WDFY2: variants seen among roughly 807,000 people sequenced by gnomAD.
The protein encoded by WDFY2 is WD repeat and FYVE domain containing 2, also known as WD repeat and FYVE domain-containing protein 2.
In WDFY2, 36 loss-of-function variants were observed where a neutral mutation model predicts 56.4. The ratio of observed to expected loss-of-function variants is 0.64; its 90% CI spans 0.49 to 0.84. The LOEUF (loss-of-function observed/expected upper bound fraction) is 0.84. WDFY2 is among the 40% of genes least tolerant of loss of function. WDFY2 has a pLI of 0.00. For synonymous variants in WDFY2, 176 were observed against 183.7 expected (o/e 0.96, Z 0.34); for missense variants, 444 against 512.2 (o/e 0.87, Z 1.29).
chr13:51,590,564 G>A (rs1954023487), intron 1 of WDFY2: 1 of 152,180 alleles, frequency 6.6e-6, no homozygotes, highest in African/African-American at 2.4e-5. Context: ...ACTGCAGGTG[G>A]TGATTTGTTG....
chr13:51,617,435 G>A (rs537076830), intron 1 of WDFY2, among the ~76,000 whole-genome samples: 1 of 152,180 alleles, frequency 6.6e-6, no homozygotes, highest in Admixed American at 6.5e-5. Flanking sequence ...TGCCTCCTGG[G>A]TTCAAGCGAG....
intron 6 of WDFY2, among the ~76,000 whole-genome samples, chr13:51,732,634 ATAAC>A (rs1233238822): frequency 2.0e-5 from 3 of 152,248 alleles, no homozygotes; most frequent in African/African-American, 7.2e-5. Context: ...TATAACAAGA[ATAAC>A]TAAACAAACT....
intron 2 of WDFY2, among the ~76,000 whole-genome samples, chr13:51,670,887 C>T (rs142343801): frequency 6.6e-6 from 1 of 152,060 alleles, no homozygotes; most frequent in African/African-American, 2.4e-5. Context: ...CACCTTTCCT[C>T]GAATCCCCAA....
chr13:51,680,080 A>G (rs886963950), intron 3 of WDFY2, among the ~76,000 whole-genome samples: 1 of 152,070 alleles, frequency 6.6e-6, no homozygotes, highest in African/African-American at 2.4e-5. Flanking sequence ...GTGCACCACC[A>G]TGCTTGGCTC....
intron 1 of WDFY2, among the ~76,000 whole-genome samples, chr13:51,653,706 G>T (rs1252576909): frequency 6.6e-6 from 1 of 152,220 alleles, no homozygotes; most frequent in African/African-American, 2.4e-5. Context: ...CAGCAGCAGA[G>T]GCTGCAGAGC....
chr13:51,756,188 G>T, intron 9 of WDFY2, 144 bp from the exon 10 acceptor site: 1 of 1,217,922 alleles, frequency 8.2e-7, no homozygotes, highest in South Asian at 1.5e-5. Flanking sequence ...CATCCAATGT[G>T]TTCCCTTTAG....
intron 8 of WDFY2, among the ~76,000 whole-genome samples, chr13:51,751,811 A>G (rs1953243854): frequency 6.6e-6 from 1 of 152,242 alleles, no homozygotes; most frequent in African/African-American, 2.4e-5. Flanking sequence ...TTAGTTTGGT[A>G]TTAATAGAAA....
At chr13:51,662,570 A>C (rs771342802) in intron 2 of WDFY2, among the ~76,000 whole-genome samples, 18 of 152,178 alleles carry the variant, frequency 1.2e-4, no homozygotes, top group Non-Finnish European at 2.4e-4. Flanking sequence ...ACAAATACAC[A>C]TACATTTTGG....
At chr13:51,710,234 G>A (rs981509174) in intron 4 of WDFY2, among the ~76,000 whole-genome samples, 4 of 152,062 alleles carry the variant, frequency 2.6e-5, no homozygotes, top group African/African-American at 9.7e-5. Flanking sequence ...ACAAAATTCA[G>A]TAGCCCTTCA....
At chr13:51,695,823 G>A (rs1306557753) in intron 3 of WDFY2, among the ~76,000 whole-genome samples, 1 of 152,216 alleles carries the variant, frequency 6.6e-6, no homozygotes, top group Admixed American at 6.5e-5. Flanking sequence ...AGCTGTGGTG[G>A]GCTCCACCCA....
intron 1 of WDFY2, among the ~76,000 whole-genome samples, chr13:51,622,438 G>GA (rs1372250121): frequency 6.6e-6 from 1 of 152,148 alleles, no homozygotes; most frequent in Non-Finnish European, 1.5e-5. Context: ...GTGAGTAAAT[G>GA]ACTGTTCTTT....
At chr13:51,618,462 A>T (rs2138350569) in intron 1 of WDFY2, among the ~76,000 whole-genome samples, 1 of 152,364 alleles carries the variant, frequency 6.6e-6, no homozygotes, top group South Asian at 2.1e-4. Context: ...TGTTATTAAT[A>T]AAATTAGTTA....
chr13:51,684,057 C>T (rs916887450), intron 3 of WDFY2, among the ~76,000 whole-genome samples: 5 of 152,144 alleles, frequency 3.3e-5, no homozygotes, highest in African/African-American at 1.2e-4. Context: ...TCTCAGTTAC[C>T]AGTGAATGTT....
chr13:51,707,483 A>G (rs1952108039), intron 4 of WDFY2, among the ~76,000 whole-genome samples: 1 of 152,226 alleles, frequency 6.6e-6, no homozygotes, highest in East Asian at 1.9e-4. Flanking sequence ...AAAAGAAGAA[A>G]AAACTTCCAA....
At chr13:51,666,578 C>T (rs1224771546) in intron 2 of WDFY2, among the ~76,000 whole-genome samples, 1 of 152,140 alleles carries the variant, frequency 6.6e-6, no homozygotes, top group East Asian at 1.9e-4. Context: ...ATATAATTTT[C>T]CATGTGTATT....
intron 2 of WDFY2, 37 bp from the exon 3 acceptor site, chr13:51,675,133 G>A: frequency 1.3e-6 from 2 of 1,598,070 alleles, no homozygotes; most frequent in Non-Finnish European, 1.7e-6. Flanking sequence ...GAGAATCATG[G>A]TTTTGTTAAT....
intron 4 of WDFY2, among the ~76,000 whole-genome samples, chr13:51,711,438 T>A (rs867955426): frequency 1.3e-4 from 20 of 148,868 alleles, no homozygotes; most frequent in Admixed American, 3.3e-4. Flanking sequence ...AATTGACAAA[T>A]GGGATCTAAT....
chr13:51,708,819 A>G (rs1446442253), intron 4 of WDFY2, among the ~76,000 whole-genome samples: 1 of 152,204 alleles, frequency 6.6e-6, no homozygotes, highest in Non-Finnish European at 1.5e-5. Context: ...AAAGGAAGGA[A>G]GATGATATAC....
chr13:51,746,886 G>C (rs1349361447), intron 7 of WDFY2, among the ~76,000 whole-genome samples: 1 of 152,094 alleles, frequency 6.6e-6, no homozygotes, highest in Non-Finnish European at 1.5e-5. Context: ...ATTAATTCTT[G>C]TTCTGATGGT....
Sources: gnomAD v4.1 joint callset for allele counts (sites outside exome capture counted in the v4.1 genomes callset) on GRCh38, gnomAD v4.1.1 for gene constraint, MANE v1.5 for transcripts, NCBI Gene and HGNC (gene_info 2026-07-23, HGNC 2026-07-21) for gene names.